The following VTA1 variants were observed in gnomAD, a reference collection of about 807,000 sequenced individuals.
The protein encoded by VTA1 is vacuolar protein sorting-associated protein VTA1 homolog.
VTA1 carries 24 observed loss-of-function variants against 36.9 expected under a neutral mutation model. The ratio of observed to expected loss-of-function variants is 0.65; its 90% CI spans 0.47 to 0.91. VTA1 has a LOEUF of 0.91. VTA1 is among the 40% of genes least tolerant of loss of function. The probability of loss-of-function intolerance (pLI) is 0.00; values close to 1 mark genes in which losing one functional copy is unlikely to be tolerated. For missense variants in VTA1, 393 were observed against 377.2 expected (o/e 1.04, Z -0.35); for synonymous variants, 142 against 130.2 (o/e 1.09, Z -0.62).
intron 7 of VTA1, among the ~76,000 whole-genome samples, chr6:142,205,803 GA>G (rs575532792): frequency 7.3e-5 from 11 of 151,246 alleles, no homozygotes; most frequent in Non-Finnish European, 1.6e-4. Context: ...CTGCCAGTAA[GA>G]AAAAAAAGTG....
chr6:142,183,008 C>G (rs934109101), intron 4 of VTA1, among the ~76,000 whole-genome samples: 6 of 151,988 alleles, frequency 3.9e-5, no homozygotes, highest in African/African-American at 1.5e-4. Flanking sequence ...AGAAGGAAAA[C>G]CCGGAGGTCT....
At chr6:142,196,474 G>C (rs768433619) in intron 5 of VTA1, among the ~76,000 whole-genome samples, 3 of 152,178 alleles carry the variant, frequency 2.0e-5, no homozygotes, top group Non-Finnish European at 4.4e-5. Context: ...ACCCCTGTGT[G>C]AGAAATAGTG....
chr6:142,149,293 G>T (rs1369955650), intron 1 of VTA1, among the ~76,000 whole-genome samples: 1 of 152,114 alleles, frequency 6.6e-6, no homozygotes, highest in Non-Finnish European at 1.5e-5. Context: ...TATTGCTCAG[G>T]TGACACTTAA....
At chr6:142,205,171 G>T (rs1020862665) in intron 7 of VTA1, among the ~76,000 whole-genome samples, 1 of 152,164 alleles carries the variant, frequency 6.6e-6, no homozygotes, top group African/African-American at 2.4e-5. Flanking sequence ...GAGCCTTTTA[G>T]GGGTGAGCTG....
chr6:142,170,447 A>G (rs225663), intron 4 of VTA1, 26 bp downstream of exon 4: 635,168 of 1,444,684 alleles, frequency 0.44, 144,851 homozygotes, highest in Middle Eastern at 0.56. Context: ...TTATTGTCTT[A>G]TTAGCTGAAG....
chr6:142,210,510 A>G (rs1399018042), intron 7 of VTA1, among the ~76,000 whole-genome samples: 1 of 152,228 alleles, frequency 6.6e-6, no homozygotes, highest in Non-Finnish European at 1.5e-5. Flanking sequence ...AATGGGAGAA[A>G]ATATTTGCAA....
Position 142,224,369 on chromosome 6 carries a change from G to A in VTA1, c.*5726G>A, listed in dbSNP as rs530396390. ...CTGAGACGGGACAAGGACACTGGAC[G>A]GTCTATTGTGCCATGCTTATATATT... On this transcript the variant is annotated 3_prime_UTR_variant, in exon 8 of 8. Transcript: ENST00000367630. 158 of 152,244 alleles carry A rather than the reference G, an allele frequency of 1.0e-3. No homozygotes were observed. The highest frequency in any genetic ancestry group is 3.8e-3 in the African/African-American group (156 of 41,538). 9.4% of individuals were successfully genotyped at this position (152,244 alleles called of 1,614,324 possible).
At chr6:142,218,066 G>A (rs1383332687) in intron 7 of VTA1, among the ~76,000 whole-genome samples, 1 of 152,028 alleles carries the variant, frequency 6.6e-6, no homozygotes, top group Non-Finnish European at 1.5e-5. Flanking sequence ...CTTAAAACAA[G>A]CTAAGCAACC....
At chr6:142,167,151 C>T (rs182134734) in intron 2 of VTA1, among the ~76,000 whole-genome samples, 1 of 152,242 alleles carries the variant, frequency 6.6e-6, no homozygotes, top group East Asian at 1.9e-4. Context: ...TCGTAGGTGA[C>T]TAATTAGTCA....
At chr6:142,161,084 C>T (rs225645) in intron 1 of VTA1, among the ~76,000 whole-genome samples, 50,184 of 136,410 alleles carry the variant, frequency 0.37, 12,872 homozygotes, top group Middle Eastern at 0.54. Flanking sequence ...TCCTTCCCCC[C>T]CCCCCCTTTT....
intron 1 of VTA1, among the ~76,000 whole-genome samples, chr6:142,151,393 G>A (rs1372655361): frequency 6.6e-6 from 1 of 152,124 alleles, no homozygotes; most frequent in African/African-American, 2.4e-5. Context: ...GCCTCATTCT[G>A]TATTCATTAT....
intron 1 of VTA1, among the ~76,000 whole-genome samples, chr6:142,159,126 G>A (rs1028026178): frequency 1.3e-5 from 2 of 152,100 alleles, no homozygotes; most frequent in African/African-American, 2.4e-5. Context: ...TTGGGAGGCC[G>A]AGGTGGGTAG....
At chr6:142,192,943 T>G (rs920384852) in intron 5 of VTA1, among the ~76,000 whole-genome samples, 1 of 152,160 alleles carries the variant, frequency 6.6e-6, no homozygotes, top group Non-Finnish European at 1.5e-5. Context: ...AGTGTACTTA[T>G]CAAAATCGAG....
chr6:142,215,358 A>G (rs1292270591), intron 7 of VTA1, among the ~76,000 whole-genome samples: 8 of 151,842 alleles, frequency 5.3e-5, no homozygotes, highest in Admixed American at 3.3e-4. Flanking sequence ...GGAGAATGGC[A>G]TGAACCCGGG....
chr6:142,169,086 G>C (rs549669188), intron 2 of VTA1, among the ~76,000 whole-genome samples: 60 of 152,056 alleles, frequency 3.9e-4, no homozygotes, highest in African/African-American at 1.4e-3. Flanking sequence ...ATTATTTTAC[G>C]ACATGATGAA....
intron 5 of VTA1, among the ~76,000 whole-genome samples, chr6:142,196,436 T>C (rs746430859): frequency 2.4e-4 from 37 of 152,216 alleles, no homozygotes; most frequent in Admixed American, 2.4e-3. Context: ...GCAAAAAGCA[T>C]ATAGGCACTT....
intron 2 of VTA1, among the ~76,000 whole-genome samples, chr6:142,166,908 G>C (rs1385214986): frequency 6.6e-6 from 1 of 152,148 alleles, no homozygotes; most frequent in African/African-American, 2.4e-5. Flanking sequence ...TTACAGGCAT[G>C]AGCCACCATG....
At chr6:142,209,065 A>G (rs1344802856) in intron 7 of VTA1, among the ~76,000 whole-genome samples, 2 of 152,192 alleles carry the variant, frequency 1.3e-5, no homozygotes, top group Non-Finnish European at 2.9e-5. Flanking sequence ...TTGAAAAGGA[A>G]GAAGTCAAAT....
intron 5 of VTA1, among the ~76,000 whole-genome samples, chr6:142,197,122 G>T (rs926163221): frequency 3.9e-5 from 6 of 151,976 alleles, no homozygotes; most frequent in African/African-American, 1.5e-4. Context: ...ACCAGCTTTT[G>T]GTCATGCTCT....
Sources: allele counts gnomAD v4.1 joint callset (sites outside exome capture counted in the v4.1 genomes callset), GRCh38; gene constraint gnomAD v4.1.1; transcripts MANE v1.5; gene names NCBI Gene and HGNC (gene_info 2026-07-23, HGNC 2026-07-21).